FAR2: variants seen among roughly 807,000 people sequenced by gnomAD.
The protein encoded by FAR2 is fatty acyl-CoA reductase 2.
Under a neutral mutation model 56.0 loss-of-function variants are expected in FAR2, and 19 were observed. The ratio of observed to expected loss-of-function variants is 0.34; its 90% CI spans 0.24 to 0.50. The LOEUF is 0.50. FAR2 is among the 20% of genes least tolerant of loss of function. FAR2 has a pLI of 0.98. For missense variants in FAR2, 508 were observed against 642.2 expected (o/e 0.79, Z 2.26); for synonymous variants, 219 against 218.8 (o/e 1.00, Z -0.01).
chr12:29,214,651 T>C (rs1947597617), intron 1 of FAR2, among the ~76,000 whole-genome samples: 1 of 151,800 alleles, frequency 6.6e-6, no homozygotes, highest in Admixed American at 6.6e-5. Context: ...GTAAAATCCA[T>C]CTCTACTAAA....
intron 4 of FAR2, among the ~76,000 whole-genome samples, chr12:29,303,131 A>G (rs1949203639): frequency 6.6e-6 from 1 of 152,198 alleles, no homozygotes; most frequent in Non-Finnish European, 1.5e-5. Flanking sequence ...CTTTTAAATT[A>G]GTGATTCCCT....
At position 29,334,596 on chromosome 12, in the gene FAR2, C is replaced by T. The variant is rs1006069133; in HGVS notation, c.*802C>T. On this transcript the variant is annotated 3_prime_UTR_variant, in exon 12 of 12. Coordinates refer to ENST00000536681, the MANE Select transcript of FAR2 (RefSeq NM_001271783.2). ...AGAGTCTCCTTCTTCTAAAAGTTGC[C>T]AAACCCTTTATATTTAAGCTTTTTC... is the stretch of plus-strand genomic sequence containing the variant. The T allele has an allele frequency of 2.0e-5, 3 of 152,074 alleles. No homozygotes were observed. Among genetic ancestry groups the T allele is most frequent in the Admixed American group, 1.3e-4 (2 of 15,258 alleles). 9.4% of individuals were successfully genotyped at this position (152,074 alleles called of 1,614,324 possible).
At chr12:29,315,948 C>A (rs1057212979) in intron 8 of FAR2, among the ~76,000 whole-genome samples, 1 of 150,750 alleles carries the variant, frequency 6.6e-6, no homozygotes, top group Non-Finnish European at 1.5e-5. Context: ...GAATCTCTTA[C>A]GCTATCAGAA....
intron 1 of FAR2, among the ~76,000 whole-genome samples, chr12:29,232,157 G>C (rs1051568028): frequency 6.6e-6 from 1 of 152,102 alleles, no homozygotes; most frequent in African/African-American, 2.4e-5. Flanking sequence ...AGCAATCCCA[G>C]ACTAACATTT....
At chr12:29,311,421 T>C (rs1424887061) in intron 7 of FAR2, among the ~76,000 whole-genome samples, 2 of 152,110 alleles carry the variant, frequency 1.3e-5, no homozygotes, top group East Asian at 1.9e-4. Flanking sequence ...TTCTATTCAG[T>C]AGTCTAAAAT....
chr12:29,178,865 G>A (rs2136595202), intron 1 of FAR2, among the ~76,000 whole-genome samples: 1 of 152,302 alleles, frequency 6.6e-6, no homozygotes, highest in East Asian at 1.9e-4. Context: ...ACCACTGACT[G>A]GATGGCTGAA....
chr12:29,161,418 A>G (rs12372303), intron 1 of FAR2, among the ~76,000 whole-genome samples: 102,024 of 152,088 alleles, frequency 0.67, 35,571 homozygotes, highest in Non-Finnish European at 0.77. Flanking sequence ...TTTTTTTTAC[A>G]TCTGGCTTAT....
At chr12:29,172,409 G>A (rs887118104) in intron 1 of FAR2, among the ~76,000 whole-genome samples, 1 of 152,108 alleles carries the variant, frequency 6.6e-6, no homozygotes, top group Non-Finnish European at 1.5e-5. Context: ...AAGTGTCCTT[G>A]CAAACCACAC....
chr12:29,184,487 T>G (rs1950020777), intron 1 of FAR2, among the ~76,000 whole-genome samples: 1 of 130,232 alleles, frequency 7.7e-6, no homozygotes, highest in Non-Finnish European at 1.5e-5. Context: ...CAGGCTGGAG[T>G]GCAGTGGCGC....
chr12:29,328,269 G>T (rs1949679316), intron 10 of FAR2, among the ~76,000 whole-genome samples: 1 of 152,186 alleles, frequency 6.6e-6, no homozygotes. Context: ...ATGCTGGAGA[G>T]GATGTGGAGA....
intron 9 of FAR2, among the ~76,000 whole-genome samples, chr12:29,320,884 G>A (rs909340970): frequency 1.3e-5 from 2 of 152,164 alleles, no homozygotes; most frequent in South Asian, 2.1e-4. Context: ...GGGACACAGG[G>A]TAGTGAGATT....
intron 2 of FAR2, among the ~76,000 whole-genome samples, chr12:29,277,185 C>T (rs1337933130): frequency 1.3e-5 from 2 of 152,026 alleles, no homozygotes; most frequent in Non-Finnish European, 2.9e-5. Flanking sequence ...ACCATCGTGG[C>T]CAGGCTGGTC....
chr12:29,271,857 T>G (rs958686806), intron 2 of FAR2, among the ~76,000 whole-genome samples: 11 of 152,230 alleles, frequency 7.2e-5, no homozygotes, highest in African/African-American at 2.7e-4. Context: ...ATTCTCATTT[T>G]ATAGATGGGG....
rs992477300 is a variant in FAR2 at position 29,266,028 on chromosome 12, G to A, written c.-38-4384G>A. 1.1e-4 allele frequency among the ~76,000 whole-genome samples: 17 copies of A among 152,188 alleles called. 1 individual carries two copies. The highest frequency in any genetic ancestry group is 3.9e-4 in the African/African-American group (16 of 41,536). The stretch of plus-strand genomic sequence containing the variant: ...GACAGGCAATAACAAATGCTGATGA[G>A]GATGTGGATAAAAATGAACCCTCAT... On this transcript the variant is annotated intron_variant, in intron 1 of 11. Transcript: ENST00000536681.
intron 1 of FAR2, among the ~76,000 whole-genome samples, chr12:29,216,790 C>G (rs550799752): frequency 6.6e-6 from 1 of 152,174 alleles, no homozygotes; most frequent in Admixed American, 6.5e-5. Context: ...AATATAAGTC[C>G]AGCATTTTGC....
intron 2 of FAR2, among the ~76,000 whole-genome samples, chr12:29,272,125 C>A (rs560211262): frequency 2.2e-4 from 34 of 152,300 alleles, no homozygotes; most frequent in African/African-American, 8.2e-4. Flanking sequence ...TTGATCTTCT[C>A]ATGGAGTATC....
intron 1 of FAR2, among the ~76,000 whole-genome samples, chr12:29,246,282 C>T (rs966538): frequency 0.99 from 151,402 of 152,240 alleles, 75,288 homozygotes; most frequent in East Asian, 1. Flanking sequence ...ACTTTTAACA[C>T]TGGAAAGCAA....
intron 1 of FAR2, among the ~76,000 whole-genome samples, chr12:29,219,294 G>T (rs1242275104): frequency 2.0e-5 from 3 of 152,110 alleles, no homozygotes; most frequent in Non-Finnish European, 2.9e-5. Context: ...CTAAAGTAAT[G>T]TTCAATACGT....
intron 1 of FAR2, among the ~76,000 whole-genome samples, chr12:29,191,794 A>G (rs565611054): frequency 1.3e-5 from 2 of 152,306 alleles, no homozygotes; most frequent in Admixed American, 1.3e-4. Context: ...TCAGGCTTTC[A>G]GGGAGAGTAA....
Sources: gnomAD v4.1 joint callset for allele counts (sites outside exome capture counted in the v4.1 genomes callset) on GRCh38, gnomAD v4.1.1 for gene constraint, MANE v1.5 for transcripts, NCBI Gene and HGNC (gene_info 2026-07-23, HGNC 2026-07-21) for gene names.